The following IWS1 variants were observed in gnomAD, a reference collection of about 807,000 sequenced individuals.
IWS1 encodes interacts with SUPT6H, CTD assembly factor 1.
In IWS1, 27 loss-of-function variants were observed where a neutral mutation model predicts 86.7. The observed-to-expected ratio is 0.31, with a 90% CI of 0.23 to 0.43. The LOEUF is 0.43. IWS1 is among the 20% of genes least tolerant of loss of function. The probability of loss-of-function intolerance (pLI) is 1.00; values close to 1 mark genes in which losing one functional copy is unlikely to be tolerated. For synonymous variants in IWS1, 313 were observed against 335.1 expected (o/e 0.93, Z 0.72); for missense variants, 827 against 1,000.8 (o/e 0.83, Z 2.34).
At chr2:127,493,235 C>T in intron 9 of IWS1, 46 bp downstream of exon 9, 3 of 1,563,014 alleles carry the variant, frequency 1.9e-6, no homozygotes, top group South Asian at 1.2e-5. Context: ...CCATACAGAC[C>T]ACATTAGATA....
intron 2 of IWS1, 35 bp downstream of exon 2, chr2:127,523,641 G>T (rs772251601): frequency 7.1e-7 from 1 of 1,399,616 alleles, no homozygotes; most frequent in East Asian, 2.3e-5. Flanking sequence ...GAACGCAAGG[G>T]AAAAGCCCTC....
At chr2:127,497,120 G>A (rs954563412) in intron 6 of IWS1, among the ~76,000 whole-genome samples, 1 of 151,022 alleles carries the variant, frequency 6.6e-6, no homozygotes, top group South Asian at 2.1e-4. Context: ...CTGTTGTTAA[G>A]CGACGCATGA....
intron 2 of IWS1, among the ~76,000 whole-genome samples, chr2:127,509,676 C>T (rs1352680225): frequency 7.3e-6 from 1 of 137,674 alleles, no homozygotes; most frequent in Non-Finnish European, 1.5e-5. Context: ...CCACTGCACT[C>T]CAGCCTATGT....
chr2:127,501,977 GA>G (rs1690846021), intron 5 of IWS1, among the ~76,000 whole-genome samples: 1 of 152,044 alleles, frequency 6.6e-6, no homozygotes, highest in Admixed American at 6.6e-5. Flanking sequence ...TTATCTCCCT[GA>G]ACATATTTAA....
intron 2 of IWS1, among the ~76,000 whole-genome samples, chr2:127,516,760 T>C (rs1297460444): frequency 1.3e-5 from 2 of 152,128 alleles, no homozygotes; most frequent in Non-Finnish European, 2.9e-5. Context: ...AATACACCAC[T>C]GCACTCCAAC....
At position 127,487,735 on chromosome 2, in the gene IWS1, A is replaced by G. The variant is rs1690002015; in HGVS notation, c.2217-1071T>C. Reference sequence around the variant, plus strand: ...CCAGCTAATTTTTTGTATTTTTAGTAGAGATGGGGTTTCTCCATGTTAGCC... The same window carrying G: ...CCAGCTAATTTTTTGTATTTTTAGTGGAGATGGGGTTTCTCCATGTTAGCC... On this transcript the variant is annotated intron_variant, in intron 12 of 13. Transcript: ENST00000295321. Among the ~76,000 whole-genome samples, 7 of 152,222 alleles carry G rather than the reference A, an allele frequency of 4.6e-5. No homozygotes were observed. The South Asian group carries it at 1.5e-3, about 32-fold the overall frequency.
At chr2:127,519,995 T>G (rs1692000189) in intron 2 of IWS1, among the ~76,000 whole-genome samples, 1 of 152,172 alleles carries the variant, frequency 6.6e-6, no homozygotes, top group Non-Finnish European at 1.5e-5. Context: ...AACACAGCCC[T>G]GGGACACCTT....
At chr2:127,507,433 A>T (rs1010174013) in intron 2 of IWS1, among the ~76,000 whole-genome samples, 2 of 152,174 alleles carry the variant, frequency 1.3e-5, no homozygotes, top group Non-Finnish European at 2.9e-5. Flanking sequence ...AAATTCCTAA[A>T]TACATTTTTC....
At chr2:127,504,585 G>A in intron 3 of IWS1, 99 bp downstream of exon 3, 2 of 857,954 alleles carry the variant, frequency 2.3e-6, no homozygotes, top group South Asian at 1.7e-5. Context: ...CTGAATAACA[G>A]AACACAGATC....
At chr2:127,502,220 G>A (rs1174115959) in intron 5 of IWS1, among the ~76,000 whole-genome samples, 1 of 152,110 alleles carries the variant, frequency 6.6e-6, no homozygotes, top group East Asian at 1.9e-4. Context: ...GCTGCTCTCT[G>A]AAGTCTCAAT....
rs776921001 is a variant in IWS1, at chr2:127,523,669, C to G, written c.150+7G>C. The G allele has an allele frequency of 3.8e-6, 6 of 1,586,522 alleles. No homozygotes were observed. Among genetic ancestry groups the G allele is most frequent in the African/African-American group, 1.3e-5 (1 of 74,306 alleles). On this transcript the variant is annotated splice_region_variant and intron_variant, in intron 2 of 13. Transcript: ENST00000295321. ...AAGCCCTCCCAAAGATGTTGGTTAG[C>G]CAATACCTCTGAATGACGTTCTACA...
rs1045871826 is a variant in IWS1, at chr2:127,480,820, T to C, written c.*224A>G. The C allele has an allele frequency of 2.5e-5, 10 of 402,356 alleles. 1 individual carries two copies. Among genetic ancestry groups the C allele is most frequent in the African/African-American group, 1.9e-4 (9 of 48,364 alleles). The allele number at this position is 402,356 out of a possible 1,614,324, so 24.9% of individuals were successfully genotyped here. The stretch of plus-strand genomic sequence containing the variant: ...AGAGACAGCCCCCCAAAAACCAGAA[T>C]GAAATTTTATTGTGTAAAGTTTATA... On this transcript the variant is annotated 3_prime_UTR_variant, in exon 14 of 14. Transcript: ENST00000295321.
Position 127,494,904 on chromosome 2 carries a change from A to G in IWS1, c.1767T>C (p.Thr589=), listed in dbSNP as rs1304342116. 4 of 1,605,088 alleles carry G rather than the reference A, an allele frequency of 2.5e-6. No individual in the cohort carries two copies. The highest frequency in any genetic ancestry group is 3.4e-6 in the Non-Finnish European group (4 of 1,175,032). The stretch of plus-strand genomic sequence containing the variant: ...GGTGCATAACTACAGCAGGCAGTAA[A>G]GTTAATTTTTTCAGTGCTGGCTTTT... ...NQKKPALKKL[T]LLPAVVMHLK... The change falls in exon 8 of 14, where the codon ACT becomes ACC. Residue 589 remains threonine, a synonymous_variant. Coordinates refer to ENST00000295321, the MANE Select transcript of IWS1 (RefSeq NM_017969.3).
intron 3 of IWS1, among the ~76,000 whole-genome samples, chr2:127,504,221 C>T (rs1283209014): frequency 6.6e-6 from 1 of 152,082 alleles, no homozygotes; most frequent in Non-Finnish European, 1.5e-5. Flanking sequence ...AAATAGAATC[C>T]TCTCAAAGCT....
intron 2 of IWS1, among the ~76,000 whole-genome samples, chr2:127,522,173 T>C (rs944914685): frequency 6.6e-6 from 1 of 152,188 alleles, no homozygotes; most frequent in African/African-American, 2.4e-5. Context: ...CCATTTCAGT[T>C]CCACTGGCTC....
At chr2:127,485,513 A>T (rs941280686) in intron 13 of IWS1, among the ~76,000 whole-genome samples, 1 of 152,190 alleles carries the variant, frequency 6.6e-6, no homozygotes, top group African/African-American at 2.4e-5. Flanking sequence ...AGCAGGAAAC[A>T]AGCTACCTCC....
chr2:127,493,693 C>T (rs1172919215), intron 8 of IWS1, among the ~76,000 whole-genome samples: 1 of 150,508 alleles, frequency 6.6e-6, no homozygotes, highest in East Asian at 2.0e-4. Context: ...ACAGTAAGAA[C>T]AATTAACTCC....
chr2:127,498,738 T>C (rs1486554619), intron 5 of IWS1: 1 of 152,406 alleles, frequency 6.6e-6, no homozygotes, highest in African/African-American at 2.4e-5. Context: ...CCAGCAAGTA[T>C]GAGGACTCCT....
At position 127,493,384 on chromosome 2, in the gene IWS1, T is replaced by A. The variant is rs1001879058; in HGVS notation, c.1826A>T (p.Asp609Val). ...TTTGATGGCAGACATCACACCACTG[T>A]CAATGAATGTTTCTTTAAGGTCCTG... The part of the protein sequence containing the change: ...KKQDLKETFI[D>V]SGVMSAIKEW... Residue 609 changes from aspartate (D) to valine (V), a missense_variant, in exon 9 of 14, where the codon GAC (aspartate) becomes GTC (valine). Asp to Val is a radical substitution (Grantham distance 152). Around this residue, in one of 2 missense-constraint regions of IWS1, gnomAD observed 279 missense variants for 440.6 expected, o/e 0.63. Coordinates refer to ENST00000295321, the MANE Select transcript of IWS1 (RefSeq NM_017969.3). The A allele has an allele frequency of 6.2e-7, 1 of 1,611,076 alleles. No homozygotes were observed. The highest frequency in any genetic ancestry group is 1.7e-5 in the Admixed American group (1 of 59,514).
Sources: gnomAD v4.1 joint callset for allele counts (sites outside exome capture counted in the v4.1 genomes callset) on GRCh38, gnomAD v4.1.1 for gene constraint, gnomAD v4.1.1 regional missense constraint, MANE v1.5 for transcripts, NCBI Gene and HGNC (gene_info 2026-07-23, HGNC 2026-07-21) for gene names.